Variants in SND1 observed in about 807,000 individuals in gnomAD.
SND1 encodes the protein staphylococcal nuclease domain-containing protein 1.
SND1 carries 38 observed loss-of-function variants against 121.7 expected under a neutral mutation model. The ratio of observed to expected loss-of-function variants is 0.31; its 90% CI spans 0.24 to 0.41. SND1 has a LOEUF of 0.41. Among genes scored for constraint, SND1 ranks in the 10% least tolerant of loss-of-function variants. SND1 has a pLI of 1.00. For missense variants in SND1, 868 were observed against 1,184.6 expected, an observed-to-expected ratio of 0.73 and a Z score of 3.92; for synonymous variants, 401 against 447.4, an observed-to-expected ratio of 0.90 and a Z score of 1.31.
intron 1 of SND1, among the ~76,000 whole-genome samples, chr7:127,676,245 G>C (rs1449419464): frequency 6.6e-6 from 1 of 152,162 alleles, no homozygotes; most frequent in Non-Finnish European, 1.5e-5. Context: ...GGGCATTGTT[G>C]TGAGGATGAG....
At chr7:127,895,678 C>T (rs569658434) in intron 13 of SND1, among the ~76,000 whole-genome samples, 2 of 152,034 alleles carry the variant, frequency 1.3e-5, no homozygotes, top group African/African-American at 4.8e-5. Flanking sequence ...AGTGATTTGA[C>T]GATGCAGCTG....
chr7:128,059,652 G>A (rs1793199538), intron 16 of SND1, among the ~76,000 whole-genome samples: 1 of 152,174 alleles, frequency 6.6e-6, no homozygotes, highest in Non-Finnish European at 1.5e-5. Flanking sequence ...ATGCAGTGCT[G>A]AACCACAAGC....
chr7:127,912,316 A>G (rs1439523341), intron 14 of SND1, among the ~76,000 whole-genome samples: 3 of 151,870 alleles, frequency 2.0e-5, no homozygotes, highest in Non-Finnish European at 2.9e-5. Context: ...GTGTTTCATT[A>G]CCTCCTTTTG....
chr7:127,688,300 T>A (rs1260152122), intron 2 of SND1, among the ~76,000 whole-genome samples: 1 of 152,152 alleles, frequency 6.6e-6, no homozygotes, highest in African/African-American at 2.4e-5. Context: ...CTTAAGTTTC[T>A]GCTCTTTGGG....
chr7:128,072,908 G>A (rs1436421110), intron 16 of SND1, among the ~76,000 whole-genome samples: 1 of 152,212 alleles, frequency 6.6e-6, no homozygotes, highest in Non-Finnish European at 1.5e-5. Context: ...TTAGAGATAG[G>A]AGAAACTGGT....
Position 127,686,653 on chromosome 7 carries a change from G to A in SND1, c.119G>A (p.Arg40His), listed in dbSNP as rs773076395. 6.8e-6 allele frequency: 11 copies of A among 1,614,118 alleles called. No homozygotes were observed. The highest frequency in any genetic ancestry group is 4.5e-5 in the East Asian group (2 of 44,876). The change falls in exon 2 of 24, where the codon CGT becomes CAT. Residue 40 changes from arginine to histidine, a missense_variant. By Grantham distance (29) the Arg-to-His change is conservative. This residue lies in a region of SND1 where 125 missense variants were observed against 113.3 expected (regional missense o/e 1.10). Transcript: ENST00000354725. ...GCAIIVRGQP[R>H]GGPPPERQIN... ...GCCATCATTGTCCGAGGTCAGCCTC[G>A]TGGTGGGCCTCCTCCTGAGCGGCAG...
intron 16 of SND1, among the ~76,000 whole-genome samples, chr7:128,006,873 G>T (rs1423016305): frequency 6.6e-6 from 1 of 152,218 alleles, no homozygotes; most frequent in African/African-American, 2.4e-5. Context: ...AGTTCCCAGG[G>T]CTGGTTGTTG....
At chr7:127,865,974 A>C (rs1799466261) in intron 12 of SND1, among the ~76,000 whole-genome samples, 2 of 145,040 alleles carry the variant, frequency 1.4e-5, no homozygotes, top group African/African-American at 2.6e-5. Context: ...TCTTACTCTC[A>C]TTTCATAGCC....
chr7:127,968,812 G>A (rs981186426), intron 15 of SND1, among the ~76,000 whole-genome samples: 1 of 152,180 alleles, frequency 6.6e-6, no homozygotes, highest in Non-Finnish European at 1.5e-5. Flanking sequence ...ACTGGGCTGT[G>A]GTTCTCAGAA....
chr7:127,745,649 T>C (rs1388679458), intron 10 of SND1, among the ~76,000 whole-genome samples: 1 of 152,172 alleles, frequency 6.6e-6, no homozygotes, highest in African/African-American at 2.4e-5. Flanking sequence ...ATTAGGTGCA[T>C]ATGACTTTGT....
chr7:127,799,938 C>G (rs944172943), intron 10 of SND1, among the ~76,000 whole-genome samples: 2 of 152,150 alleles, frequency 1.3e-5, no homozygotes, highest in African/African-American at 4.8e-5. Flanking sequence ...GCCAGGTGGT[C>G]ACAATTTTAA....
chr7:127,807,352 T>G, intron 10 of SND1, 132 bp from the exon 11 acceptor site: 1 of 647,362 alleles, frequency 1.5e-6, no homozygotes, highest in Non-Finnish European at 2.7e-6. Context: ...TCATTTATTA[T>G]GTGTCTTAAC....
At chr7:127,796,424 C>T (rs893445139) in intron 10 of SND1, among the ~76,000 whole-genome samples, 1 of 151,884 alleles carries the variant, frequency 6.6e-6, no homozygotes, top group African/African-American at 2.4e-5. Flanking sequence ...CATTATATTC[C>T]CTCAGTATTT....
intron 12 of SND1, among the ~76,000 whole-genome samples, chr7:127,860,323 G>A (rs770739259): frequency 1.3e-5 from 2 of 152,156 alleles, no homozygotes; most frequent in Non-Finnish European, 2.9e-5. Context: ...TGGCTGAAAC[G>A]TCTAGTTGTA....
At chr7:127,913,455 T>C (rs1800502850) in intron 14 of SND1, among the ~76,000 whole-genome samples, 1 of 152,214 alleles carries the variant, frequency 6.6e-6, no homozygotes, top group South Asian at 2.1e-4. Context: ...GTTAGGAACA[T>C]TTTTTCCAAA....
At position 127,695,460 on chromosome 7, in the gene SND1, C is replaced by T. The variant is rs115549928; in HGVS notation, c.349+512C>T. ...TAGATGTAGGTTAGAATTCTGATTT[C>T]CTACCATGTGCCCTTACTTAACCCT... On this transcript the variant is annotated intron_variant, in intron 3 of 23. Transcript: ENST00000354725. 3.9e-3 allele frequency among the ~76,000 whole-genome samples: 590 copies of T among 152,238 alleles called. 8 individuals are homozygous for T. Among genetic ancestry groups the T allele is most frequent in the African/African-American group, 0.013 (559 of 41,526 alleles).
intron 1 of SND1, among the ~76,000 whole-genome samples, chr7:127,663,597 C>G (rs1369861520): frequency 6.6e-6 from 1 of 152,078 alleles, no homozygotes; most frequent in African/African-American, 2.4e-5. Flanking sequence ...AGGATGGTCT[C>G]CATCTCCTTA....
intron 10 of SND1, among the ~76,000 whole-genome samples, chr7:127,782,323 T>C (rs1419358599): frequency 6.6e-6 from 1 of 152,228 alleles, no homozygotes; most frequent in South Asian, 2.1e-4. Context: ...CTGTGATATA[T>C]GTGCATGAGT....
At chr7:127,992,370 G>A (rs1333686543) in intron 16 of SND1, among the ~76,000 whole-genome samples, 2 of 152,202 alleles carry the variant, frequency 1.3e-5, no homozygotes, top group Admixed American at 1.3e-4. Context: ...TTGTCTATAA[G>A]TGCCTGTTGC....
Sources: allele counts gnomAD v4.1 joint callset (sites outside exome capture counted in the v4.1 genomes callset), GRCh38; gene constraint gnomAD v4.1.1; regional missense constraint gnomAD v4.1.1; transcripts MANE v1.5; gene names NCBI Gene and HGNC (gene_info 2026-07-23, HGNC 2026-07-21).